LPP: variants seen among roughly 807,000 people sequenced by gnomAD.
LPP encodes LIM domain containing preferred translocation partner in lipoma.
A neutral mutation model predicts 60.4 loss-of-function variants in LPP; 38 were observed. The observed-to-expected ratio is 0.63, with a 90% CI of 0.49 to 0.83. LPP has a LOEUF of 0.83. LPP is among the 40% of genes least tolerant of loss of function. LPP has a pLI of 0.00. For missense variants in LPP, 902 were observed against 783.6 expected (o/e 1.15, Z -1.80); for synonymous variants, 328 against 290.8 (o/e 1.13, Z -1.30).
At chr3:188,669,364 C>A (rs1856469538) in intron 7 of LPP, among the ~76,000 whole-genome samples, 2 of 152,074 alleles carry the variant, frequency 1.3e-5, no homozygotes, top group Non-Finnish European at 2.9e-5. Context: ...ATCACGAAGT[C>A]AGGAGATCGA....
At position 188,781,612 on chromosome 3, in the gene LPP, G is replaced by A. The variant is rs186151561; in HGVS notation, c.1410+21330G>A. Among the ~76,000 whole-genome samples the A allele has an allele frequency of 8.1e-4, 123 of 151,538 alleles. 1 individual carries two copies. In the Middle Eastern group the frequency reaches 0.01, roughly 13 times the overall value. ...AAACTATCACCCCCTGCCTCGGTGC[G>A]GTCGCTCACACCTGTAATCCCAGCA... On this transcript the variant is annotated intron_variant, in intron 9 of 11. Transcript: ENST00000617246.
At chr3:188,731,057 A>C (rs1302052745) in intron 8 of LPP, among the ~76,000 whole-genome samples, 1 of 152,180 alleles carries the variant, frequency 6.6e-6, no homozygotes, top group Non-Finnish European at 1.5e-5. Flanking sequence ...CTATCTGCAA[A>C]GTCCGTTTTG....
intron 2 of LPP, among the ~76,000 whole-genome samples, chr3:188,227,874 G>C (rs1175199423): frequency 6.6e-6 from 1 of 152,184 alleles, no homozygotes; most frequent in East Asian, 1.9e-4. Flanking sequence ...TGGGATTATG[G>C]TAATATGAAC....
chr3:188,811,069 C>T (rs1750796975), intron 9 of LPP, among the ~76,000 whole-genome samples: 1 of 151,920 alleles, frequency 6.6e-6, no homozygotes, highest in African/African-American at 2.4e-5. Context: ...ATACGACACA[C>T]ACACATGTAT....
chr3:188,483,449 G>A (rs1974967), intron 4 of LPP, among the ~76,000 whole-genome samples: 151,350 of 152,310 alleles, frequency 0.99, 75,206 homozygotes, highest in Middle Eastern at 1. Flanking sequence ...TGCAAGGAAA[G>A]GCTACTCCTC....
chr3:188,526,691 C>A (rs1301323280), intron 6 of LPP, among the ~76,000 whole-genome samples: 1 of 152,162 alleles, frequency 6.6e-6, no homozygotes, highest in Non-Finnish European at 1.5e-5. Context: ...CTTAGCTCTT[C>A]CTCACTGACC....
chr3:188,216,878 C>A (rs997281659), intron 1 of LPP, among the ~76,000 whole-genome samples: 3 of 152,184 alleles, frequency 2.0e-5, no homozygotes, highest in Non-Finnish European at 4.4e-5. Flanking sequence ...GGATGTTAGC[C>A]ACAGTGCAGG....
At chr3:188,239,477 T>A (rs2149431194) in intron 2 of LPP, among the ~76,000 whole-genome samples, 1 of 152,326 alleles carries the variant, frequency 6.6e-6, no homozygotes, top group African/African-American at 2.4e-5. Context: ...TGTGCTCAAT[T>A]TTATTTTTAC....
chr3:188,548,620 GATA>G (rs1827278944), intron 6 of LPP, among the ~76,000 whole-genome samples: 1 of 152,066 alleles, frequency 6.6e-6, no homozygotes, highest in African/African-American at 2.4e-5. Flanking sequence ...TGAATTTGGG[GATA>G]ATAAGTTTAG....
chr3:188,325,146 A>G (rs983780887), intron 2 of LPP, among the ~76,000 whole-genome samples: 1 of 151,844 alleles, frequency 6.6e-6, no homozygotes, highest in Non-Finnish European at 1.5e-5. Context: ...ACGCTCGGCT[A>G]ATTTTTGTAT....
intron 3 of LPP, among the ~76,000 whole-genome samples, chr3:188,395,905 C>G (rs1780831418): frequency 7.0e-6 from 1 of 143,050 alleles, no homozygotes; most frequent in Non-Finnish European, 1.5e-5. Flanking sequence ...CAGAGTGAGA[C>G]CTTGTCTCTA....
intron 9 of LPP, among the ~76,000 whole-genome samples, chr3:188,807,033 G>A (rs577908019): frequency 8.0e-4 from 122 of 151,606 alleles, no homozygotes; most frequent in African/African-American, 2.9e-3. Flanking sequence ...TGCTTGAAGA[G>A]CTCCCTTCAA....
chr3:188,789,331 T>C (rs754660755), intron 9 of LPP, among the ~76,000 whole-genome samples: 4 of 152,206 alleles, frequency 2.6e-5, no homozygotes, highest in Non-Finnish European at 5.9e-5. Context: ...ATGTCTGATT[T>C]AGAGGAAAGT....
intron 2 of LPP, among the ~76,000 whole-genome samples, chr3:188,256,555 T>C (rs1731735949): frequency 6.6e-6 from 1 of 152,108 alleles, no homozygotes; most frequent in African/African-American, 2.4e-5. Flanking sequence ...AAAAAGCCTA[T>C]TTAAGATTTT....
At chr3:188,641,475 G>T (rs551754227) in intron 7 of LPP, among the ~76,000 whole-genome samples, 1 of 152,230 alleles carries the variant, frequency 6.6e-6, no homozygotes, top group East Asian at 1.9e-4. Context: ...GGCAAGCACA[G>T]GTAGGAAAAC....
chr3:188,747,103 A>G (rs1726481913), intron 8 of LPP, among the ~76,000 whole-genome samples: 1 of 152,206 alleles, frequency 6.6e-6, no homozygotes. Context: ...TGGCCAGCTC[A>G]GGTACATGGC....
intron 4 of LPP, among the ~76,000 whole-genome samples, chr3:188,430,812 G>A (rs1261163572): frequency 6.6e-6 from 1 of 152,034 alleles, no homozygotes; most frequent in Non-Finnish European, 1.5e-5. Flanking sequence ...CACTGATGAT[G>A]TTGAGTCTTC....
chr3:188,159,670 G>C (rs889442140), intron 1 of LPP, among the ~76,000 whole-genome samples: 15 of 152,272 alleles, frequency 9.9e-5, no homozygotes, highest in African/African-American at 3.6e-4. Flanking sequence ...TGGGGGAGCG[G>C]GACTGTTTTT....
chr3:188,354,565 T>G (rs1294272004), intron 3 of LPP, among the ~76,000 whole-genome samples: 1 of 152,016 alleles, frequency 6.6e-6, no homozygotes, highest in African/African-American at 2.4e-5. Flanking sequence ...GGAATGGATG[T>G]TTTTTTTCTT....
Sources: allele counts gnomAD v4.1 joint callset (sites outside exome capture counted in the v4.1 genomes callset), GRCh38; gene constraint gnomAD v4.1.1; transcripts MANE v1.5; gene names NCBI Gene and HGNC (gene_info 2026-07-23, HGNC 2026-07-21).